PIWIL1: variants seen among roughly 807,000 people sequenced by gnomAD.
PIWIL1 encodes the protein piwi like RNA-mediated gene silencing 1.
PIWIL1 carries 73 observed loss-of-function variants against 114.4 expected under a neutral mutation model. The ratio of observed to expected loss-of-function variants is 0.64; its 90% CI spans 0.53 to 0.78. PIWIL1 has a LOEUF of 0.78. Ranked by LOEUF, PIWIL1 falls within the 30% of genes least tolerant of loss-of-function variation. PIWIL1 has a pLI of 0.00. For synonymous variants in PIWIL1, 375 were observed against 369.0 expected, an observed-to-expected ratio of 1.02 and a Z score of -0.19; for missense variants, 723 against 1,063.1, an observed-to-expected ratio of 0.68 and a Z score of 4.45.
At chr12:130,409,332 C>CTT in the PIWIL1 span, among the ~76,000 whole-genome samples, 923 of 65,408 alleles carry the variant, frequency 0.014, 210 homozygotes, top group Non-Finnish European at 0.02. Context: ...CAAAATGTAG[C>CTT]TTTTTTTTTT....
chr12:130,404,797 T>G, the PIWIL1 span, among the ~76,000 whole-genome samples: 2 of 152,150 alleles, frequency 1.3e-5, no homozygotes, highest in Non-Finnish European at 2.9e-5. Context: ...TGGGACTCTT[T>G]ACAAAATGTT....
At chr12:130,374,604 C>G (rs1336455165), downstream of PIWIL1, among the ~76,000 whole-genome samples, 3 of 152,124 alleles carry the variant, frequency 2.0e-5, no homozygotes, top group Admixed American at 6.5e-5. Flanking sequence ...GCACCCTGTG[C>G]TGCCAGAACT....
At chr12:130,416,302 T>C in the PIWIL1 span, among the ~76,000 whole-genome samples, 1 of 152,208 alleles carries the variant, frequency 6.6e-6, no homozygotes, top group Non-Finnish European at 1.5e-5. Flanking sequence ...TCCGGAGGCA[T>C]CACATTACCT....
chr12:130,410,838 T>C, the PIWIL1 span, among the ~76,000 whole-genome samples: 1 of 152,358 alleles, frequency 6.6e-6, no homozygotes, highest in Non-Finnish European at 1.5e-5. Flanking sequence ...TTTTGGCTAC[T>C]CTAGTTCCTT....
At chr12:130,365,390 T>A (rs1434497877) in intron 18 of PIWIL1, among the ~76,000 whole-genome samples, 3 of 152,210 alleles carry the variant, frequency 2.0e-5, no homozygotes, top group Non-Finnish European at 4.4e-5. Flanking sequence ...CTTCACACAG[T>A]ATCCAGTAAG....
At chr12:130,378,900 G>A in the PIWIL1 span, among the ~76,000 whole-genome samples, 1 of 152,168 alleles carries the variant, frequency 6.6e-6, no homozygotes, top group Non-Finnish European at 1.5e-5. Flanking sequence ...TTTCTGGCTT[G>A]CTGTTTTGCT....
chr12:130,362,460 G>T (rs2073541430), intron 16 of PIWIL1, among the ~76,000 whole-genome samples: 2 of 152,156 alleles, frequency 1.3e-5, no homozygotes, highest in South Asian at 4.2e-4. Flanking sequence ...TGCGTATTTA[G>T]GTGTAATAAA....
In PIWIL1 at chr12:130,355,001, C is replaced by T; in HGVS notation, c.1285C>T (p.His429Tyr). The T allele has an allele frequency of 6.3e-7, 1 of 1,579,520 alleles. No homozygotes were observed. The highest frequency in any genetic ancestry group is 1.7e-5 in the Admixed American group (1 of 59,920). The change falls in exon 11 of 21, where the codon CAT becomes TAT. Residue 429 changes from histidine to tyrosine, a missense_variant. His to Tyr is a moderately conservative substitution (Grantham distance 83). Coordinates refer to ENST00000245255, the MANE Select transcript of PIWIL1 (RefSeq NM_004764.5). ...REVGRLIDYIHKNDNVQRELR... is the reference protein window; with the variant it reads ...REVGRLIDYIYKNDNVQRELR... ...AGTGGGACGACTCATTGATTACATT[C>T]ATAAGTAAGTCATTGATTTCACTGG...
chr12:130,384,475 C>T, the PIWIL1 span, among the ~76,000 whole-genome samples: 175 of 152,252 alleles, frequency 1.1e-3, 2 homozygotes, highest in Non-Finnish European at 1.6e-3. Context: ...CACATAGGCA[C>T]GGGTGAATGC....
chr12:130,398,217 T>C, the PIWIL1 span: 1 of 152,266 alleles, frequency 6.6e-6, no homozygotes, highest in East Asian at 1.9e-4. Flanking sequence ...GGTAGACTTT[T>C]ACTCTAATAC....
At chr12:130,394,919 AGTTGTTT>A in the PIWIL1 span, among the ~76,000 whole-genome samples, 1 of 148,416 alleles carries the variant, frequency 6.7e-6, no homozygotes, top group Non-Finnish European at 1.5e-5. Flanking sequence ...ATTTAGGTAT[AGTTGTTT>A]GTTGTTCAAT....
chr12:130,361,235 A>G lies in PIWIL1; in HGVS notation c.1721A>G (p.Tyr574Cys), dbSNP rs145656437. The G allele has an allele frequency of 1.9e-6, 3 of 1,614,176 alleles. No homozygotes were observed. Among genetic ancestry groups the G allele is most frequent in the South Asian group, 2.2e-5 (2 of 91,076 alleles). The change falls in exon 15 of 21, where the codon TAC becomes TGC. Residue 574 changes from tyrosine to cysteine, a missense_variant. By Grantham distance (194) the Tyr-to-Cys change is radical. Around this residue, in one of 8 missense-constraint regions of PIWIL1, gnomAD observed 298 missense variants for 420.8 expected, o/e 0.71. Transcript: ENST00000245255. ...RKDKYDAIKK[Y>C]LCTDCPTPSQ... Reference sequence around the variant, plus strand: ...GACAAATACGATGCTATTAAAAAATACCTGTGTACAGATTGCCCTACCCCA... The same window carrying G: ...GACAAATACGATGCTATTAAAAAATGCCTGTGTACAGATTGCCCTACCCCA...
chr12:130,385,538 A>T, the PIWIL1 span, among the ~76,000 whole-genome samples: 1 of 152,214 alleles, frequency 6.6e-6, no homozygotes. Context: ...TATATGATGC[A>T]GTTTAACCTG....
intron 3 of PIWIL1, chr12:130,345,310 T>C (rs2073042188): frequency 6.5e-6 from 1 of 152,744 alleles, no homozygotes; most frequent in Non-Finnish European, 1.5e-5. Context: ...CTAATCCAGG[T>C]TACAGATTTA....
At chr12:130,371,438 G>C (rs745432076) in intron 20 of PIWIL1, 44 bp from the exon 21 acceptor site, 1 of 1,608,426 alleles carries the variant, frequency 6.2e-7, no homozygotes, top group Non-Finnish European at 8.5e-7. Context: ...AATTGAAAGA[G>C]GCTAAGTCTA....
At chr12:130,386,414 CCTGTCTCCATTCACCCATGCACACT>C in the PIWIL1 span, among the ~76,000 whole-genome samples, 1 of 65,996 alleles carries the variant, frequency 1.5e-5, no homozygotes, top group Admixed American at 1.5e-4. Context: ...ACCACCCCTT[CCTGTCTCCATTCACCCATGCACACT>C]ACCCCTTCCT....
the PIWIL1 span, among the ~76,000 whole-genome samples, chr12:130,418,012 A>AG: frequency 2.0e-5 from 3 of 152,226 alleles, no homozygotes; most frequent in Admixed American, 6.5e-5. Flanking sequence ...CTTCTGTCCC[A>AG]GCACGAGGAA....
intron 19 of PIWIL1, 86 bp from the exon 20 acceptor site, chr12:130,371,090 G>T: frequency 9.2e-7 from 1 of 1,082,528 alleles, no homozygotes; most frequent in East Asian, 2.4e-5. Context: ...TTACAGTGAA[G>T]AGTGGTACAG....
chr12:130,347,857 A>G (rs1443785722), intron 6 of PIWIL1, among the ~76,000 whole-genome samples: 5 of 152,186 alleles, frequency 3.3e-5, no homozygotes, highest in Non-Finnish European at 7.3e-5. Context: ...CAGTAGAACT[A>G]TTGGTGGATG....
Sources: gnomAD v4.1 joint callset for allele counts (sites outside exome capture counted in the v4.1 genomes callset) on GRCh38, gnomAD v4.1.1 for gene constraint, gnomAD v4.1.1 regional missense constraint, MANE v1.5 for transcripts, NCBI Gene and HGNC (gene_info 2026-07-23, HGNC 2026-07-21) for gene names.